RPS6KC1: variants seen among roughly 807,000 people sequenced by gnomAD.
RPS6KC1 encodes inactive ribosomal protein S6 kinase delta-1.
In RPS6KC1, 54 loss-of-function variants were observed where a neutral mutation model predicts 103.8. The observed-to-expected ratio is 0.52, with a 90% CI of 0.42 to 0.65. RPS6KC1 has a LOEUF of 0.65. Ranked by LOEUF, RPS6KC1 falls within the 30% of genes least tolerant of loss-of-function variation. RPS6KC1 has a pLI of 0.00. For missense variants in RPS6KC1, 1,151 were observed against 1,253.8 expected (o/e 0.92, Z 1.24); for synonymous variants, 439 against 438.7 (o/e 1.00, Z -0.01).
In RPS6KC1 at chr1:213,151,589, C is replaced by T. The variant is rs1185595901; in HGVS notation, c.836-16269C>T. On this transcript the variant is annotated intron_variant, in intron 6 of 14. Transcript: ENST00000366960. Reference sequence around the variant, plus strand: ...TCACCTCCCGGATGGGGCGGCTGGCCGGGCGGGGGGCTGACCCCCCCACCT... The same window carrying T: ...TCACCTCCCGGATGGGGCGGCTGGCTGGGCGGGGGGCTGACCCCCCCACCT... 5.6e-5 allele frequency among the ~76,000 whole-genome samples: 5 copies of T among 89,976 alleles called. No individual in the cohort carries two copies. The South Asian group carries it at 1.6e-3, about 28-fold the overall frequency. The allele number at this position is 89,976 out of a possible 152,430, so 59.0% of individuals were successfully genotyped here.
At chr1:213,547,363 A>G in the RPS6KC1 span, among the ~76,000 whole-genome samples, 1 of 152,258 alleles carries the variant, frequency 6.6e-6, no homozygotes, top group Non-Finnish European at 1.5e-5. Flanking sequence ...TGCCACAGGC[A>G]GTACCAATGC....
At chr1:213,544,878 G>A in the RPS6KC1 span, among the ~76,000 whole-genome samples, 3 of 152,192 alleles carry the variant, frequency 2.0e-5, no homozygotes, top group Non-Finnish European at 2.9e-5. Flanking sequence ...CATTGGAAGA[G>A]CAGTGGAGCA....
chr1:213,671,402 G>A, the RPS6KC1 span, among the ~76,000 whole-genome samples: 1 of 152,126 alleles, frequency 6.6e-6, no homozygotes, highest in African/African-American at 2.4e-5. Context: ...GGAGATGTTG[G>A]TCAGTGGGTA....
the RPS6KC1 span, among the ~76,000 whole-genome samples, chr1:213,717,005 A>G: frequency 1.3e-5 from 2 of 152,208 alleles, no homozygotes; most frequent in African/African-American, 4.8e-5. Flanking sequence ...TCAGAATCAG[A>G]AGGTTGGGAA....
chr1:213,282,267 AC>A, the RPS6KC1 span, among the ~76,000 whole-genome samples: 1 of 152,154 alleles, frequency 6.6e-6, no homozygotes, highest in Middle Eastern at 3.2e-3. Context: ...GGGCAGGGTG[AC>A]TGCGGACTAT....
chr1:213,561,572 C>G, the RPS6KC1 span, among the ~76,000 whole-genome samples: 120,622 of 152,172 alleles, frequency 0.79, 48,614 homozygotes, highest in East Asian at 0.98. Context: ...AGGGTACAGA[C>G]AGCTGGGCTC....
chr1:213,159,645 A>G (rs890448043), intron 6 of RPS6KC1, among the ~76,000 whole-genome samples: 5 of 152,220 alleles, frequency 3.3e-5, no homozygotes, highest in African/African-American at 9.6e-5. Flanking sequence ...GGAAAGTCAT[A>G]TGGAAAATAA....
At chr1:213,172,599 C>T (rs187472810) in intron 7 of RPS6KC1, among the ~76,000 whole-genome samples, 104 of 152,194 alleles carry the variant, frequency 6.8e-4, no homozygotes, top group African/African-American at 2.3e-3. Context: ...GGTGACAGAG[C>T]GAGAACAACA....
chr1:213,148,768 A>C lies in RPS6KC1; in HGVS notation c.835+18879A>C, dbSNP rs191184033. ...TAGGATTGGTATCATTTCTTCCTTA[A>C]ATTTTTGGTAGTATTCAGCAATGAA... is the stretch of plus-strand genomic sequence containing the variant. On this transcript the variant is annotated intron_variant, in intron 6 of 14. Coordinates refer to ENST00000366960, the MANE Select transcript of RPS6KC1 (RefSeq NM_012424.6). 3.9e-5 allele frequency among the ~76,000 whole-genome samples: 6 copies of C among 151,944 alleles called. No homozygotes were observed. In the South Asian group the frequency reaches 1.0e-3, roughly 26 times the overall value.
the RPS6KC1 span, among the ~76,000 whole-genome samples, chr1:213,493,017 G>A: frequency 3.9e-5 from 6 of 152,226 alleles, no homozygotes; most frequent in African/African-American, 9.6e-5. Context: ...GGTAGAGATC[G>A]TGGTGATGGT....
At chr1:213,532,558 G>A in the RPS6KC1 span, among the ~76,000 whole-genome samples, 15 of 152,158 alleles carry the variant, frequency 9.9e-5, no homozygotes, top group Non-Finnish European at 1.8e-4. Flanking sequence ...ACTAAGAACC[G>A]TCTTCCTCCC....
the RPS6KC1 span, among the ~76,000 whole-genome samples, chr1:213,470,611 A>ATTTT: frequency 3.0e-5 from 3 of 99,804 alleles, no homozygotes; most frequent in African/African-American, 1.2e-4. Flanking sequence ...TTTATTCTTA[A>ATTTT]TTTTTTTTTT....
chr1:213,296,294 G>C, the RPS6KC1 span, among the ~76,000 whole-genome samples: 1 of 152,202 alleles, frequency 6.6e-6, no homozygotes, highest in African/African-American at 2.4e-5. Context: ...CCAGATTGTT[G>C]CTGAGAGCCC....
intron 6 of RPS6KC1, among the ~76,000 whole-genome samples, chr1:213,164,336 A>G (rs1193701350): frequency 6.6e-6 from 1 of 152,176 alleles, no homozygotes; most frequent in African/African-American, 2.4e-5. Context: ...AGCATGGGTA[A>G]TTGAGTGTTT....
chr1:213,559,185 C>A, the RPS6KC1 span, among the ~76,000 whole-genome samples: 1 of 152,172 alleles, frequency 6.6e-6, no homozygotes, highest in African/African-American at 2.4e-5. Flanking sequence ...ACAGAGCACA[C>A]AGGAGGGAAT....
the RPS6KC1 span, among the ~76,000 whole-genome samples, chr1:213,793,532 C>T: frequency 1.3e-5 from 2 of 152,028 alleles, no homozygotes; most frequent in Non-Finnish European, 2.9e-5. Flanking sequence ...CACCTTGGGG[C>T]GTCTAATCCA....
At chr1:213,495,906 A>C in the RPS6KC1 span, among the ~76,000 whole-genome samples, 1 of 152,348 alleles carries the variant, frequency 6.6e-6, no homozygotes. Flanking sequence ...TAGAGTTTAA[A>C]ACTTGGATAA....
intron 5 of RPS6KC1, among the ~76,000 whole-genome samples, chr1:213,121,391 T>C (rs890672384): frequency 6.6e-6 from 1 of 152,260 alleles, no homozygotes; most frequent in Non-Finnish European, 1.5e-5. Context: ...AAACAAAATA[T>C]TGTTTTACAT....
intron 10 of RPS6KC1, among the ~76,000 whole-genome samples, chr1:213,238,050 A>G (rs1484112146): frequency 6.6e-6 from 1 of 152,148 alleles, no homozygotes; most frequent in Non-Finnish European, 1.5e-5. Flanking sequence ...TAAATATTTA[A>G]TACCTGTTTT....
Sources: gnomAD v4.1 joint callset for allele counts (sites outside exome capture counted in the v4.1 genomes callset) on GRCh38, gnomAD v4.1.1 for gene constraint, MANE v1.5 for transcripts, NCBI Gene and HGNC (gene_info 2026-07-23, HGNC 2026-07-21) for gene names.